Variants in ANKDD1A observed in about 807,000 individuals in gnomAD.
ANKDD1A encodes the protein ankyrin repeat and death domain-containing protein 1A.
In ANKDD1A, 59 loss-of-function variants were observed where a neutral mutation model predicts 63.5. That is an observed-to-expected ratio of 0.93 (90% confidence interval 0.75 to 1.15). The LOEUF is 1.15. Among genes scored for constraint, ANKDD1A ranks in the 50% most tolerant of loss-of-function variants. ANKDD1A has a pLI of 0.00. For missense variants in ANKDD1A, 632 were observed against 656.4 expected (o/e 0.96, Z 0.41); for synonymous variants, 266 against 263.9 (o/e 1.01, Z -0.08).
At position 64,917,285 on chromosome 15, in the gene ANKDD1A, C is replaced by T. The variant is rs955792332; in HGVS notation, c.139-101C>T. The T allele has an allele frequency of 2.1e-6, 3 of 1,424,372 alleles. No homozygotes were observed. In the African/African-American group the frequency reaches 4.3e-5, roughly 20 times the overall value. 88.2% of individuals were successfully genotyped at this position (1,424,372 alleles called of 1,614,324 possible). ...CTGGGGACCAGAGCCAGCAAAGACC[C>T]TTCCAGCCTGCAGACCAGCTGTCCT... On this transcript the variant is annotated intron_variant, in intron 2 of 14. Transcript: ENST00000319580.
Position 64,929,543 on chromosome 15 carries a change from G to A in ANKDD1A, c.571-1279G>A, listed in dbSNP as rs542827471. 5.9e-5 allele frequency among the ~76,000 whole-genome samples: 9 copies of A among 152,180 alleles called. No homozygotes were observed. In the South Asian group the frequency reaches 8.3e-4, roughly 14 times the overall value. On this transcript the variant is annotated intron_variant, in intron 6 of 14. Transcript: ENST00000319580. ...CCACTTCTGATACAAAGTACGTTGC[G>A]CCCTCTGCCCTGCCCCATGCAGCTG...
At chr15:64,918,484 C>T (rs761930603) in intron 3 of ANKDD1A, among the ~76,000 whole-genome samples, 2 of 151,866 alleles carry the variant, frequency 1.3e-5, no homozygotes, top group Admixed American at 6.5e-5. Context: ...CCTTTAGGAG[C>T]AGAATGTCTA....
chr15:64,951,679 TC>T (rs2085282227), intron 14 of ANKDD1A, among the ~76,000 whole-genome samples: 2 of 6,454 alleles, frequency 3.1e-4, no homozygotes, highest in African/African-American at 3.7e-4. Context: ...TTTCTTTCCT[TC>T]TTTCTTCTTC....
intron 4 of ANKDD1A, 38 bp from the exon 5 acceptor site, chr15:64,926,026 CCT>C: frequency 6.4e-7 from 1 of 1,572,758 alleles, no homozygotes. Context: ...AAAGGGCCTC[CCT>C]TCACAGACTG....
chr15:64,916,751 A>G (rs2084970725), intron 2 of ANKDD1A, among the ~76,000 whole-genome samples: 1 of 152,210 alleles, frequency 6.6e-6, no homozygotes, highest in African/African-American at 2.4e-5. Flanking sequence ...CTTGCCTGAG[A>G]CCACAGAGAA....
rs187205241 is a variant in ANKDD1A at position 64,935,850 on chromosome 15, A to G, written c.867+1616A>G. Among the ~76,000 whole-genome samples, 11 of 152,276 alleles carry G rather than the reference A, an allele frequency of 7.2e-5. No individual in the cohort carries two copies. In the East Asian group the frequency reaches 2.1e-3, roughly 29 times the overall value. On this transcript the variant is annotated intron_variant, in intron 9 of 14. Coordinates refer to ENST00000319580, the MANE Select transcript of ANKDD1A (RefSeq NM_182703.6). ...CAGAGTGAGACTGTCTCAAAAAGAAAAAAAAAAGTAGTGGGAGTTTCAAAT... is the reference window on the plus strand; with the variant it reads ...CAGAGTGAGACTGTCTCAAAAAGAAGAAAAAAAGTAGTGGGAGTTTCAAAT...
At chr15:64,951,195 A>T in intron 14 of ANKDD1A, 1 of 1,045,998 alleles carries the variant, frequency 9.6e-7, no homozygotes, top group African/African-American at 1.7e-5. Context: ...GATCTTTTTC[A>T]TGAGGATGGG....
intron 13 of ANKDD1A, among the ~76,000 whole-genome samples, chr15:64,949,442 A>G (rs1238167877): frequency 1.3e-5 from 2 of 152,198 alleles, no homozygotes; most frequent in Non-Finnish European, 2.9e-5. Context: ...AATTAGGACC[A>G]CTATCATGCA....
intron 14 of ANKDD1A, among the ~76,000 whole-genome samples, chr15:64,953,904 CCCTCT>C (rs2085365250): frequency 5.6e-5 from 1 of 17,946 alleles, no homozygotes. Flanking sequence ...TTTCTTTCTT[CCCTCT>C]TCTTTCTTCT....
At chr15:64,917,837 G>A (rs1006647370) in intron 3 of ANKDD1A, among the ~76,000 whole-genome samples, 1 of 152,238 alleles carries the variant, frequency 6.6e-6, no homozygotes. Context: ...AGCACCAGGA[G>A]GAAAGTCTCT....
At chr15:64,927,036 G>T (rs1488423248) in intron 6 of ANKDD1A, 37 bp downstream of exon 6, 1 of 1,609,834 alleles carries the variant, frequency 6.2e-7, no homozygotes, top group Non-Finnish European at 8.5e-7. Flanking sequence ...CCTGACCAGG[G>T]TGCAAAACTT....
At chr15:64,928,140 C>T (rs2085061656) in intron 6 of ANKDD1A, among the ~76,000 whole-genome samples, 1 of 152,238 alleles carries the variant, frequency 6.6e-6, no homozygotes, top group African/African-American at 2.4e-5. Flanking sequence ...CAGGGCCACA[C>T]AGTGAGACAC....
intron 14 of ANKDD1A, chr15:64,950,426 A>G (rs1253546186): frequency 2.0e-6 from 2 of 985,318 alleles, no homozygotes; most frequent in African/African-American, 1.7e-5. Flanking sequence ...GAGTATGCCA[A>G]TCTCAAAAGC....
intron 6 of ANKDD1A, among the ~76,000 whole-genome samples, chr15:64,929,734 C>T (rs972894278): frequency 2.6e-5 from 4 of 152,136 alleles, no homozygotes; most frequent in Non-Finnish European, 5.9e-5. Context: ...GAGTGTTGGC[C>T]ATGTACCCCC....
intron 8 of ANKDD1A, 53 bp downstream of exon 8, chr15:64,931,638 C>T: frequency 6.3e-7 from 1 of 1,583,292 alleles, no homozygotes; most frequent in Non-Finnish European, 8.6e-7. Context: ...GAGCCATAGC[C>T]ATGTCGGCAG....
intron 2 of ANKDD1A, among the ~76,000 whole-genome samples, chr15:64,916,670 G>C (rs2084970154): frequency 6.6e-6 from 1 of 152,192 alleles, no homozygotes; most frequent in South Asian, 2.1e-4. Context: ...CAATATTTCA[G>C]GCAGAGGGAA....
At chr15:64,954,353 C>CTCT (rs1218429421) in intron 14 of ANKDD1A, among the ~76,000 whole-genome samples, 76,123 of 144,674 alleles carry the variant, frequency 0.53, 20,291 homozygotes, top group South Asian at 0.6. Flanking sequence ...TCTCCTTCTT[C>CTCT]TCTTCTTCTC....
chr15:64,956,269 G>T (rs1234360834), intron 14 of ANKDD1A, among the ~76,000 whole-genome samples: 1 of 149,666 alleles, frequency 6.7e-6, no homozygotes, highest in African/African-American at 2.5e-5. Context: ...GTTTAGCTTG[G>T]CCGGGCGCAG....
At chr15:64,924,327 C>A (rs2085030018) in intron 4 of ANKDD1A, among the ~76,000 whole-genome samples, 1 of 152,246 alleles carries the variant, frequency 6.6e-6, no homozygotes, top group Non-Finnish European at 1.5e-5. Flanking sequence ...GGCTGGAAAG[C>A]CACGTGGTAT....
Sources: allele counts gnomAD v4.1 joint callset (sites outside exome capture counted in the v4.1 genomes callset), GRCh38; gene constraint gnomAD v4.1.1; transcripts MANE v1.5; gene names NCBI Gene and HGNC (gene_info 2026-07-23, HGNC 2026-07-21).